Variants in FSHR observed in about 807,000 individuals in gnomAD.
FSHR encodes the protein follicle stimulating hormone receptor.
FSHR carries 46 observed loss-of-function variants against 52.1 expected under a neutral mutation model. The observed-to-expected ratio is 0.88, with a 90% confidence interval of 0.70 to 1.13. The LOEUF (loss-of-function observed/expected upper bound fraction) is 1.13. Ranked by LOEUF, FSHR falls within the 50% of genes most tolerant of loss-of-function variation. FSHR has a pLI of 0.00. For synonymous variants in FSHR, 399 were observed against 309.6 expected (o/e 1.29, Z -3.03); for missense variants, 964 against 834.6 (o/e 1.16, Z -1.91).
intron 8 of FSHR, among the ~76,000 whole-genome samples, chr2:48,976,728 G>C (rs1302151810): frequency 6.6e-6 from 1 of 152,134 alleles, no homozygotes; most frequent in Non-Finnish European, 1.5e-5. Context: ...TATGTGTCCA[G>C]GAATTTATCC....
Position 49,066,613 on chromosome 2 carries a change from A to C in FSHR, c.224+1606T>G, listed in dbSNP as rs1362827178. On this transcript the variant is annotated intron_variant, in intron 2 of 9. Transcript: ENST00000406846. ...GATGATTAATGAAGACATGAGGTAA[A>C]AATGTACAAGCTGTGTCTGAACAAG... Among the ~76,000 whole-genome samples the C allele has an allele frequency of 2.6e-5, 4 of 152,178 alleles. No homozygotes were observed. In the East Asian group the frequency reaches 7.7e-4, roughly 29 times the overall value.
intron 4 of FSHR, among the ~76,000 whole-genome samples, chr2:49,013,529 AAT>A (rs1174630118): frequency 2.4e-4 from 34 of 142,382 alleles, no homozygotes; most frequent in African/African-American, 7.3e-4. Flanking sequence ...TATATATAAA[AAT>A]ATATATATAA....
intron 1 of FSHR, among the ~76,000 whole-genome samples, chr2:49,099,310 T>C (rs1670940329): frequency 6.6e-6 from 1 of 151,932 alleles, no homozygotes; most frequent in South Asian, 2.1e-4. Flanking sequence ...TTATAAAGGG[T>C]TTCCTCTTTT....
At chr2:48,997,193 A>G (rs1676061588) in intron 4 of FSHR, 1 of 980,266 alleles carries the variant, frequency 1.0e-6, no homozygotes, top group Non-Finnish European at 1.2e-6. Flanking sequence ...TCAGAGTCTC[A>G]GTTTCTCTCT....
chr2:49,137,138 CT>C (rs1672515319), intron 1 of FSHR, among the ~76,000 whole-genome samples: 1 of 152,006 alleles, frequency 6.6e-6, no homozygotes, highest in African/African-American at 2.4e-5. Flanking sequence ...ATTATTAGAA[CT>C]AATAAATGAG....
At chr2:49,116,241 C>A (rs1421900072) in intron 1 of FSHR, among the ~76,000 whole-genome samples, 2 of 152,072 alleles carry the variant, frequency 1.3e-5, no homozygotes, top group Non-Finnish European at 2.9e-5. Context: ...AAATAGGGAA[C>A]CCTGAGAGGT....
chr2:49,070,693 A>T (rs1451713259), intron 1 of FSHR, among the ~76,000 whole-genome samples: 1 of 152,164 alleles, frequency 6.6e-6, no homozygotes, highest in African/African-American at 2.4e-5. Context: ...AAAATTTTCA[A>T]GGACTATGTC....
intron 4 of FSHR, among the ~76,000 whole-genome samples, chr2:49,007,852 A>G (rs1352043572): frequency 1.3e-5 from 2 of 152,102 alleles, no homozygotes; most frequent in Non-Finnish European, 2.9e-5. Context: ...TGGTCTTAAA[A>G]TGTAGGAATT....
intron 6 of FSHR, among the ~76,000 whole-genome samples, chr2:48,987,192 AT>A (rs1430831978): frequency 6.6e-6 from 1 of 151,404 alleles, no homozygotes; most frequent in Non-Finnish European, 1.5e-5. Context: ...TATTATTTTT[AT>A]TTATTTTATT....
intron 1 of FSHR, among the ~76,000 whole-genome samples, chr2:49,115,064 G>A (rs533136735): frequency 3.3e-5 from 5 of 150,706 alleles, no homozygotes; most frequent in African/African-American, 4.9e-5. Context: ...GACAAGATGT[G>A]CATGGAAAGG....
intron 8 of FSHR, among the ~76,000 whole-genome samples, chr2:48,969,457 T>C (rs1200476754): frequency 6.6e-6 from 1 of 152,212 alleles, no homozygotes; most frequent in Non-Finnish European, 1.5e-5. Context: ...CCTGCCTGCA[T>C]ATGTACCTTG....
intron 2 of FSHR, among the ~76,000 whole-genome samples, chr2:49,057,287 G>A (rs967153410): frequency 1.3e-5 from 2 of 151,900 alleles, no homozygotes; most frequent in East Asian, 3.9e-4. Flanking sequence ...AAGAAAAAAT[G>A]GGAGAATAAC....
intron 2 of FSHR, among the ~76,000 whole-genome samples, chr2:49,030,869 G>C (rs1249808666): frequency 6.6e-6 from 1 of 152,140 alleles, no homozygotes; most frequent in Non-Finnish European, 1.5e-5. Context: ...GAGACTGTCC[G>C]TGTTTTTACA....
At chr2:48,976,042 G>A (rs1674972530) in intron 8 of FSHR, among the ~76,000 whole-genome samples, 1 of 152,194 alleles carries the variant, frequency 6.6e-6, no homozygotes, top group Non-Finnish European at 1.5e-5. Context: ...AGTGGTGAGA[G>A]AGGGCATCTT....
intron 1 of FSHR, among the ~76,000 whole-genome samples, chr2:49,131,039 C>T (rs372526711): frequency 2.6e-5 from 4 of 152,222 alleles, no homozygotes; most frequent in African/African-American, 9.6e-5. Context: ...GGAAGGAAGA[C>T]AGCTTAACAG....
intron 8 of FSHR, among the ~76,000 whole-genome samples, chr2:48,975,551 T>C (rs1674949179): frequency 6.6e-6 from 1 of 152,284 alleles, no homozygotes; most frequent in Admixed American, 6.5e-5. Context: ...GACCAAGCCA[T>C]GCTATAGCTT....
chr2:49,100,642 A>G lies in FSHR; in HGVS notation c.153-32352T>C, dbSNP rs199556453. On this transcript the variant is annotated intron_variant, in intron 1 of 9. Coordinates refer to ENST00000406846, the MANE Select transcript of FSHR (RefSeq NM_000145.4). Reference sequence around the variant, plus strand: ...GAAGACAAATACTAAGTAAAAGTGGAGCAGAGAGAGGGATAGATCCCAGAT... The same window carrying G: ...GAAGACAAATACTAAGTAAAAGTGGGGCAGAGAGAGGGATAGATCCCAGAT... Among the ~76,000 whole-genome samples the G allele has an allele frequency of 2.4e-4, 37 of 152,308 alleles. No individual in the cohort carries two copies. In the East Asian group the frequency reaches 6.8e-3, roughly 28 times the overall value.
chr2:49,134,153 T>C (rs1672400411), intron 1 of FSHR, among the ~76,000 whole-genome samples: 1 of 152,034 alleles, frequency 6.6e-6, no homozygotes, highest in East Asian at 1.9e-4. Flanking sequence ...GGGAGAAAAT[T>C]TTTACAATCT....
chr2:49,054,565 G>A (rs1006704255), intron 2 of FSHR, among the ~76,000 whole-genome samples: 4 of 152,110 alleles, frequency 2.6e-5, no homozygotes, highest in Non-Finnish European at 4.4e-5. Context: ...CAAGCCAGTG[G>A]AGCAACCATG....
Sources: allele counts gnomAD v4.1 joint callset (sites outside exome capture counted in the v4.1 genomes callset), GRCh38; gene constraint gnomAD v4.1.1; transcripts MANE v1.5; gene names NCBI Gene and HGNC (gene_info 2026-07-23, HGNC 2026-07-21).